Variants in SUN1 observed in about 807,000 individuals in gnomAD.
SUN1 encodes the protein Sad1 and UNC84 domain containing 1.
Under a neutral mutation model 103.2 loss-of-function variants are expected in SUN1, and 61 were observed. That is an observed-to-expected ratio of 0.59 (90% confidence interval 0.48 to 0.73). The LOEUF (loss-of-function observed/expected upper bound fraction) is 0.73. Ranked by LOEUF, SUN1 falls within the 30% of genes least tolerant of loss-of-function variation. The pLI, the probability that SUN1 is intolerant of heterozygous loss-of-function variation, is 0.00. For missense variants in SUN1, 1,052 were observed against 1,034.6 expected (o/e 1.02, Z -0.23); for synonymous variants, 490 against 425.7 (o/e 1.15, Z -1.86).
At chr7:838,386 G>A (rs1292910037) in intron 1 of SUN1, among the ~76,000 whole-genome samples, 1 of 152,330 alleles carries the variant, frequency 6.6e-6, no homozygotes, top group East Asian at 1.9e-4. Context: ...CCTCTCCTGC[G>A]TGGATTCATT....
In SUN1 at chr7:860,384, T is replaced by TGAGTCGGC. The variant is rs771625264; in HGVS notation, c.1779+12_1779+19dup. On this transcript the variant is annotated splice_region_variant and intron_variant, in intron 14 of 18. Coordinates refer to ENST00000401592, the MANE Select transcript of SUN1 (RefSeq NM_001130965.3). ...GGGGCGTCTGGAATAACAGAGGCGGTGAGTCGGCGAGTCGGCGGCAAGAGA... is the reference window on the plus strand; with the variant it reads ...GGGGCGTCTGGAATAACAGAGGCGGTGAGTCGGCGAGTCGGCGAGTCGGCGGCAAGAGA... The TGAGTCGGC allele has an allele frequency of 1.7e-5, 28 of 1,610,988 alleles. No homozygotes were observed. Among genetic ancestry groups the TGAGTCGGC allele is most frequent in the Admixed American group, 5.0e-5 (3 of 59,976 alleles).
At chr7:855,820 C>T (rs1307575998) in intron 11 of SUN1, among the ~76,000 whole-genome samples, 1 of 151,082 alleles carries the variant, frequency 6.6e-6, no homozygotes, top group Non-Finnish European at 1.5e-5. Context: ...GTCTGCGGGG[C>T]GCCTCCTCCT....
Position 839,640 on chromosome 7 carries a change from C to T in SUN1, c.266+654C>T, listed in dbSNP as rs1807204239. ...TGATCTTGGCTCACTGCAGCCTCTG[C>T]CTCCCGGGTTCAAGAGATTCTCCTG... On this transcript the variant is annotated intron_variant, in intron 2 of 18. Transcript: ENST00000401592. Among the ~76,000 whole-genome samples, 2 of 102,504 alleles carry T rather than the reference C, an allele frequency of 2.0e-5. 1 individual carries two copies. Among genetic ancestry groups the T allele is most frequent in the South Asian group, 6.7e-4 (2 of 2,992 alleles). 67.2% of individuals were successfully genotyped at this position (102,504 alleles called of 152,430 possible).
rs747100104 is a variant in SUN1, at chr7:853,456, G to C, written c.1101G>C (p.Gln367His). The C allele has an allele frequency of 6.2e-7, 1 of 1,613,924 alleles. No individual in the cohort carries two copies. Among genetic ancestry groups the C allele is most frequent in the Non-Finnish European group, 8.5e-7 (1 of 1,180,054 alleles). The change falls in exon 10 of 19, where the codon CAG (glutamine) becomes CAC (histidine). Residue 367 changes from glutamine (Q) to histidine (H), a missense_variant. Coordinates refer to ENST00000401592, the MANE Select transcript of SUN1 (RefSeq NM_001130965.3). ...GGCATTGGATGAGTGGCGTGGAGCA[G>C]CAGGTGGCCTCTCTGTCTGGACAGT... ...FPWHWMSGVE[Q>H]QVASLSGQCH...
intron 7 of SUN1, 104 bp from the exon 8 acceptor site, chr7:852,505 C>A (rs1232744838): frequency 1.0e-5 from 14 of 1,338,858 alleles, no homozygotes; most frequent in Admixed American, 6.8e-5. Context: ...TTTTCTAATA[C>A]TGGGGGGGTG....
At chr7:857,525 A>G (rs998828943) in intron 12 of SUN1, among the ~76,000 whole-genome samples, 1 of 152,196 alleles carries the variant, frequency 6.6e-6, no homozygotes, top group Non-Finnish European at 1.5e-5. Flanking sequence ...AAATGCTTAA[A>G]TCGTTTTCAG....
At chr7:822,718 C>T (rs981625911) in intron 1 of SUN1, among the ~76,000 whole-genome samples, 3 of 152,122 alleles carry the variant, frequency 2.0e-5, no homozygotes, top group Non-Finnish European at 4.4e-5. Flanking sequence ...GATGTGTATT[C>T]CAGAACATGT....
intron 1 of SUN1, among the ~76,000 whole-genome samples, chr7:821,797 G>C (rs371383608): frequency 8.2e-4 from 125 of 152,156 alleles, no homozygotes; most frequent in Non-Finnish European, 1.2e-3. Flanking sequence ...CCAGTTAAGC[G>C]GTCCTGAACA....
intron 6 of SUN1, 168 bp downstream of exon 6, chr7:851,650 T>G (rs1822288657): frequency 1.4e-6 from 1 of 702,738 alleles, no homozygotes; most frequent in African/African-American, 1.8e-5. Flanking sequence ...CTGACTGTAC[T>G]TGCTGCATGA....
chr7:837,886 A>T (rs998907612), intron 1 of SUN1, among the ~76,000 whole-genome samples: 7 of 152,274 alleles, frequency 4.6e-5, no homozygotes, highest in Non-Finnish European at 8.8e-5. Context: ...TGCTAGAAAC[A>T]AACCCTTCTT....
At chr7:826,452 C>T (rs6945971) in intron 1 of SUN1, among the ~76,000 whole-genome samples, 93,034 of 151,972 alleles carry the variant, frequency 0.61, 28,457 homozygotes, top group East Asian at 0.64. Flanking sequence ...GCTGCCCAGC[C>T]GGGTGGAGCA....
rs1244827495 is a variant in SUN1 at position 874,074 on chromosome 7, G to A, written c.*743G>A. On this transcript the variant is annotated 3_prime_UTR_variant, in exon 19 of 19. Transcript: ENST00000401592. ...GGTCTCAGCAAGGCTTTTCCTGTTGGGAGTCACAGTAAACAGAAACCCAAA... is the reference window on the plus strand; with the variant it reads ...GGTCTCAGCAAGGCTTTTCCTGTTGAGAGTCACAGTAAACAGAAACCCAAA... 1.3e-5 allele frequency: 2 copies of A among 152,190 alleles called. No individual in the cohort carries two copies. Among genetic ancestry groups the A allele is most frequent in the Non-Finnish European group, 2.9e-5 (2 of 68,048 alleles). 9.4% of individuals were successfully genotyped at this position (152,190 alleles called of 1,614,324 possible).
intron 2 of SUN1, among the ~76,000 whole-genome samples, chr7:841,201 G>A (rs1809458716): frequency 6.6e-6 from 1 of 151,644 alleles, no homozygotes; most frequent in Non-Finnish European, 1.5e-5. Flanking sequence ...CCAAAGTGCT[G>A]GGATGACAGG....
intron 1 of SUN1, among the ~76,000 whole-genome samples, chr7:818,240 T>C (rs1296282727): frequency 6.6e-6 from 1 of 152,190 alleles, no homozygotes; most frequent in Non-Finnish European, 1.5e-5. Context: ...GCTTTCTGTC[T>C]CTCTGAATTG....
upstream of SUN1, among the ~76,000 whole-genome samples, chr7:830,269 C>T (rs920809756): frequency 2.6e-5 from 4 of 152,154 alleles, no homozygotes; most frequent in African/African-American, 9.7e-5. Context: ...GCCGCTGCCT[C>T]GCAAGGTTCT....
chr7:835,534 A>T (rs966010557), intron 1 of SUN1, among the ~76,000 whole-genome samples: 2 of 152,142 alleles, frequency 1.3e-5, no homozygotes, highest in Admixed American at 6.5e-5. Context: ...CTCATGTTAC[A>T]TTGGGTGATT....
At chr7:817,341 A>G in intron 1 of SUN1, 2 of 1,378,756 alleles carry the variant, frequency 1.5e-6, no homozygotes, top group Non-Finnish European at 2.0e-6. Flanking sequence ...CCCTCGCCCC[A>G]GCCTGCCTGG....
chr7:853,207 G>A (rs756721566), intron 9 of SUN1: 2 of 746,744 alleles, frequency 2.7e-6, no homozygotes, highest in Middle Eastern at 7.7e-4. Context: ...AGTACAGAAA[G>A]TATAGAGAAG....
Position 857,813 on chromosome 7 carries a change from A to G in SUN1, c.1395-15A>G. Reference sequence around the variant, plus strand: ...GGAGGCTTGTGTGTGACCCATTCTCACTGTTGGATTCCAGTGCGGTTGGTG... The same window carrying G: ...GGAGGCTTGTGTGTGACCCATTCTCGCTGTTGGATTCCAGTGCGGTTGGTG... On this transcript the variant is annotated splice_polypyrimidine_tract_variant and intron_variant, in intron 12 of 18. Transcript: ENST00000401592. 1.3e-6 allele frequency: 2 copies of G among 1,566,260 alleles called. No homozygotes were observed. The highest frequency in any genetic ancestry group is 1.7e-6 in the Non-Finnish European group (2 of 1,149,518).
Sources: gnomAD v4.1 joint callset for allele counts (sites outside exome capture counted in the v4.1 genomes callset) on GRCh38, gnomAD v4.1.1 for gene constraint, MANE v1.5 for transcripts, NCBI Gene and HGNC (gene_info 2026-07-23, HGNC 2026-07-21) for gene names.